Variants in ASTN2 observed in about 807,000 individuals in gnomAD.
The protein encoded by ASTN2 is astrotactin-2.
A neutral mutation model predicts 139.8 loss-of-function variants in ASTN2; 54 were observed. The ratio of observed to expected loss-of-function variants is 0.39; its 90% CI spans 0.31 to 0.48. ASTN2 has a LOEUF of 0.48. Ranked by LOEUF, ASTN2 falls within the 20% of genes least tolerant of loss-of-function variation. The pLI is 0.95. For missense variants in ASTN2, 1,565 were observed against 1,725.1 expected (o/e 0.91, Z 1.64); for synonymous variants, 756 against 719.5 (o/e 1.05, Z -0.81).
At position 117,225,574 on chromosome 9, in the gene ASTN2, T is replaced by TATATATATATATATAC. The variant is rs371374987; in HGVS notation, c.631-10833_631-10832insGTATATATATATATAT. ...ATATATATATATATATATATATATA[T>TATATATATATATATAC]ACAGATGAACCCAAGTGGCCAGAGA... is the stretch of plus-strand genomic sequence containing the variant. On this transcript the variant is annotated intron_variant, in intron 2 of 22. Coordinates refer to ENST00000313400, the MANE Select transcript of ASTN2 (RefSeq NM_001365068.1). Among the ~76,000 whole-genome samples the TATATATATATATATAC allele has an allele frequency of 1.9e-3, 146 of 77,868 alleles. 6 individuals carry two copies. Among genetic ancestry groups the TATATATATATATATAC allele is most frequent in the East Asian group, 4.8e-3 (4 of 840 alleles). The allele number at this position is 77,868 out of a possible 152,430, so 51.1% of individuals were successfully genotyped here.
At chr9:116,502,330 GGA>G (rs1342005458) in intron 19 of ASTN2, among the ~76,000 whole-genome samples, 1 of 151,238 alleles carries the variant, frequency 6.6e-6, no homozygotes, top group African/African-American at 2.4e-5. Flanking sequence ...CACAGAGAGA[GGA>G]GAGAGAGAGA....
At chr9:116,906,093 G>A (rs764292526) in intron 10 of ASTN2, among the ~76,000 whole-genome samples, 2 of 152,028 alleles carry the variant, frequency 1.3e-5, no homozygotes, top group East Asian at 1.9e-4. Flanking sequence ...TGTGCCTCAC[G>A]CTCAGTGCTT....
chr9:116,991,586 TA>T (rs5900249), intron 7 of ASTN2, among the ~76,000 whole-genome samples: 80,880 of 141,692 alleles, frequency 0.57, 24,531 homozygotes, highest in South Asian at 0.76. Flanking sequence ...TCCCTCTTAT[TA>T]AAAAAAAAAA....
intron 1 of ASTN2, among the ~76,000 whole-genome samples, chr9:117,303,353 G>A (rs1834922001): frequency 6.6e-6 from 1 of 152,160 alleles, no homozygotes; most frequent in African/African-American, 2.4e-5. Context: ...TTGGAATACT[G>A]AGGTAGAGTG....
intron 6 of ASTN2, among the ~76,000 whole-genome samples, chr9:117,033,412 C>G (rs1838302004): frequency 6.6e-6 from 1 of 151,888 alleles, no homozygotes; most frequent in African/African-American, 2.4e-5. Flanking sequence ...GAGCTAAAAG[C>G]TTTATGAGCA....
intron 4 of ASTN2, among the ~76,000 whole-genome samples, chr9:117,105,306 T>C (rs1305878649): frequency 6.6e-6 from 1 of 152,142 alleles, no homozygotes; most frequent in Non-Finnish European, 1.5e-5. Context: ...ATGTTTCCTC[T>C]TAGGAAAACT....
intron 11 of ASTN2, among the ~76,000 whole-genome samples, chr9:116,835,858 C>T (rs1831973483): frequency 6.6e-6 from 1 of 152,146 alleles, no homozygotes; most frequent in African/African-American, 2.4e-5. Flanking sequence ...ACAATCATAG[C>T]TCACTATAGC....
chr9:117,291,571 G>A (rs1200387359), intron 1 of ASTN2, 58 bp from the exon 2 acceptor site: 3 of 1,491,646 alleles, frequency 2.0e-6, no homozygotes, highest in Non-Finnish European at 2.7e-6. Flanking sequence ...GGTGCTCCAG[G>A]GAGGAAAAGA....
intron 2 of ASTN2, among the ~76,000 whole-genome samples, chr9:117,247,921 T>C (rs963139043): frequency 6.6e-6 from 1 of 152,214 alleles, no homozygotes; most frequent in Non-Finnish European, 1.5e-5. Flanking sequence ...GCATGGCTCA[T>C]GAAGCCCTTT....
intron 5 of ASTN2, among the ~76,000 whole-genome samples, chr9:117,040,681 A>T (rs1182856606): frequency 6.6e-6 from 1 of 151,828 alleles, no homozygotes; most frequent in Non-Finnish European, 1.5e-5. Context: ...CTGGTCTGGA[A>T]CTCCTGACCA....
At chr9:116,632,832 C>A (rs902533692) in intron 17 of ASTN2, among the ~76,000 whole-genome samples, 2 of 152,218 alleles carry the variant, frequency 1.3e-5, no homozygotes, top group Non-Finnish European at 2.9e-5. Context: ...AGTGGACTTA[C>A]CACATTTTAT....
chr9:117,220,268 C>G (rs1030172984), intron 2 of ASTN2, among the ~76,000 whole-genome samples: 3 of 152,042 alleles, frequency 2.0e-5, no homozygotes, highest in Non-Finnish European at 4.4e-5. Flanking sequence ...CACAAAACCC[C>G]TCATGACTGG....
rs1837709881 is a variant in ASTN2, at chr9:117,016,662, T to TATAGGTTATAC, written c.1424-8404_1424-8403insGTATAACCTAT. On this transcript the variant is annotated intron_variant, in intron 6 of 22. Coordinates refer to ENST00000313400, the MANE Select transcript of ASTN2 (RefSeq NM_001365068.1). Reference sequence around the variant, plus strand: ...TATATATATATATATATATAACCTATATATATGTTACATATATATAGGTTA... The same window carrying TATAGGTTATAC: ...TATATATATATATATATATAACCTATATAGGTTATACATATATGTTACATATATATAGGTTA... 4.5e-5 allele frequency among the ~76,000 whole-genome samples: 6 copies of TATAGGTTATAC among 132,444 alleles called. No homozygotes were observed. The East Asian group carries it at 1.3e-3, about 29-fold the overall frequency. 86.9% of individuals were successfully genotyped at this position (132,444 alleles called of 152,430 possible).
At chr9:116,678,817 A>C (rs962767410) in intron 16 of ASTN2, among the ~76,000 whole-genome samples, 77 of 152,202 alleles carry the variant, frequency 5.1e-4, no homozygotes, top group African/African-American at 1.9e-3. Context: ...AGAAAATTGT[A>C]AAGAGTTCTA....
At chr9:116,602,981 G>T (rs10983260) in intron 19 of ASTN2, among the ~76,000 whole-genome samples, 27,542 of 152,148 alleles carry the variant, frequency 0.18, 2,789 homozygotes, top group Non-Finnish European at 0.23. Context: ...TAGTAAAATT[G>T]AATGGAAGCA....
intron 7 of ASTN2, among the ~76,000 whole-genome samples, chr9:116,987,847 T>C (rs1836730556): frequency 6.6e-6 from 1 of 152,182 alleles, no homozygotes; most frequent in South Asian, 2.1e-4. Flanking sequence ...ACACAAGCAC[T>C]GTGACACCTT....
intron 17 of ASTN2, among the ~76,000 whole-genome samples, chr9:116,626,618 C>A (rs1389183509): frequency 6.6e-6 from 1 of 151,962 alleles, no homozygotes; most frequent in Non-Finnish European, 1.5e-5. Flanking sequence ...GTGATCACAG[C>A]TTGGAGGACA....
At chr9:116,562,960 C>T (rs570326879) in intron 19 of ASTN2, among the ~76,000 whole-genome samples, 30 of 152,194 alleles carry the variant, frequency 2.0e-4, no homozygotes, top group African/African-American at 7.0e-4. Context: ...CCAAGAGAGG[C>T]ATAAGCCTTG....
chr9:116,725,794 T>A lies in ASTN2; in HGVS notation c.2783A>T (p.Gln928Leu), dbSNP rs1391241063. ...ACCTTTCTGATACTGGAGCCACAGCTGCTGCTGGACCTTCTTGCTGGGAAA... is the reference window on the plus strand; with the variant it reads ...ACCTTTCTGATACTGGAGCCACAGCAGCTGCTGGACCTTCTTGCTGGGAAA... ...IHFPSKKVQQ[Q>L]LWLQYQKETT... is the part of the protein sequence containing the mutation. Residue 928 changes from glutamine (Q) to leucine (L), a missense_variant, in exon 16 of 23, where the codon CAG (glutamine) becomes CTG (leucine). Coordinates refer to ENST00000313400, the MANE Select transcript of ASTN2 (RefSeq NM_001365068.1). 6.2e-7 allele frequency: 1 copy of A among 1,613,600 alleles called. No homozygotes were observed. Among genetic ancestry groups the A allele is most frequent in the Non-Finnish European group, 8.5e-7 (1 of 1,179,994 alleles).
Sources: gnomAD v4.1 joint callset for allele counts (sites outside exome capture counted in the v4.1 genomes callset) on GRCh38, gnomAD v4.1.1 for gene constraint, MANE v1.5 for transcripts, NCBI Gene and HGNC (gene_info 2026-07-23, HGNC 2026-07-21) for gene names.